Variants in SOX6 observed in about 807,000 individuals in gnomAD.
SOX6 encodes the protein transcription factor SOX-6.
A neutral mutation model predicts 97.8 loss-of-function variants in SOX6; 11 were observed. The ratio of observed to expected loss-of-function variants is 0.11; its 90% CI spans 0.07 to 0.19. The LOEUF is 0.19. SOX6 is among the 10% of genes least tolerant of loss of function. The pLI is 1.00. For synonymous variants in SOX6, 360 were observed against 371.4 expected (o/e 0.97, Z 0.35); for missense variants, 810 against 1,039.5 (o/e 0.78, Z 3.04).
Position 16,484,552 on chromosome 11 carries a change from G to A in SOX6, n.610-8164C>T, listed in dbSNP as rs1209212684. On this transcript the variant is annotated intron_variant and non_coding_transcript_variant, in intron 4 of 5. Transcript: ENST00000524520. ...ACACATGGGCACAGTCGAGATGGCAGTACCTGACATCAATGGCCACCTTCA... is the reference window on the plus strand; with the variant it reads ...ACACATGGGCACAGTCGAGATGGCAATACCTGACATCAATGGCCACCTTCA... 5.2e-6 allele frequency: 4 copies of A among 769,598 alleles called. No individual in the cohort carries two copies. In the African/African-American group the frequency reaches 6.8e-5, roughly 13 times the overall value. 47.7% of individuals were successfully genotyped at this position (769,598 alleles called of 1,614,324 possible).
chr11:16,569,630 A>C (rs1847915106), intron 4 of SOX6, among the ~76,000 whole-genome samples: 1 of 152,068 alleles, frequency 6.6e-6, no homozygotes, highest in South Asian at 2.1e-4. Flanking sequence ...TGCATAAATG[A>C]GACTATTAAA....
intron 7 of SOX6, among the ~76,000 whole-genome samples, chr11:16,098,788 G>T (rs1005854247): frequency 1.3e-5 from 2 of 151,806 alleles, no homozygotes; most frequent in Admixed American, 6.6e-5. Flanking sequence ...AAAGCTGAAT[G>T]TAATAATGAA....
intron 1 of SOX6, among the ~76,000 whole-genome samples, chr11:16,458,839 T>C (rs1859863255): frequency 6.6e-6 from 1 of 151,972 alleles, no homozygotes; most frequent in East Asian, 1.9e-4. Context: ...GCTTACTGCA[T>C]AGAGAGAGAA....
intron 15 of SOX6, among the ~76,000 whole-genome samples, chr11:15,983,724 G>A (rs1303216378): frequency 6.6e-6 from 1 of 152,108 alleles, no homozygotes; most frequent in African/African-American, 2.4e-5. Context: ...AAAATGCTCA[G>A]CATTGAGATG....
At chr11:16,537,140 A>T (rs888826496) in intron 4 of SOX6, among the ~76,000 whole-genome samples, 7 of 152,174 alleles carry the variant, frequency 4.6e-5, no homozygotes, top group African/African-American at 1.7e-4. Flanking sequence ...CCGTTCTGCA[A>T]TATTTGCTGT....
chr11:16,271,485 T>G (rs981774212), intron 3 of SOX6, among the ~76,000 whole-genome samples: 1 of 151,454 alleles, frequency 6.6e-6, no homozygotes, highest in Non-Finnish European at 1.5e-5. Flanking sequence ...TGTAAAACTT[T>G]CTGGGCCTAG....
chr11:16,380,613 T>C (rs1013515325), intron 1 of SOX6, among the ~76,000 whole-genome samples: 3 of 152,020 alleles, frequency 2.0e-5, no homozygotes, highest in African/African-American at 7.2e-5. Flanking sequence ...AGTATGATAG[T>C]TTTTCTAAAA....
chr11:16,720,145 G>A (rs1320993052), intron 2 of SOX6, among the ~76,000 whole-genome samples: 5 of 151,954 alleles, frequency 3.3e-5, no homozygotes, highest in Non-Finnish European at 5.9e-5. Context: ...CGATTCCTCA[G>A]GGATCTAGAA....
intron 3 of SOX6, among the ~76,000 whole-genome samples, chr11:16,704,758 G>C (rs1848119265): frequency 6.6e-6 from 1 of 152,124 alleles, no homozygotes; most frequent in Admixed American, 6.5e-5. Context: ...ATAAAACATA[G>C]TTCAGTAACC....
chr11:16,042,389 A>C (rs1447873768), intron 12 of SOX6, among the ~76,000 whole-genome samples: 2 of 152,212 alleles, frequency 1.3e-5, no homozygotes, highest in Non-Finnish European at 2.9e-5. Flanking sequence ...ACCCAGGTAG[A>C]AGGTGACAAG....
intron 6 of SOX6, among the ~76,000 whole-genome samples, chr11:16,142,022 G>C (rs1460328328): frequency 6.6e-6 from 1 of 152,112 alleles, no homozygotes; most frequent in Non-Finnish European, 1.5e-5. Flanking sequence ...TCCCAGCATG[G>C]AGTTTGAGAT....
At chr11:16,395,450 A>G (rs1003447681) in intron 1 of SOX6, among the ~76,000 whole-genome samples, 12 of 151,786 alleles carry the variant, frequency 7.9e-5, no homozygotes, top group Admixed American at 6.6e-5. Flanking sequence ...GGTGCATTCC[A>G]GGTGAGAACA....
chr11:16,348,313 T>C (rs1044404260), intron 1 of SOX6, among the ~76,000 whole-genome samples: 3 of 152,152 alleles, frequency 2.0e-5, no homozygotes, highest in African/African-American at 2.4e-5. Flanking sequence ...AATTACTTGT[T>C]TCTCCAATTG....
intron 4 of SOX6, among the ~76,000 whole-genome samples, chr11:16,608,936 GATGACAT>G (rs1417055631): frequency 2.0e-5 from 3 of 152,130 alleles, no homozygotes; most frequent in African/African-American, 7.2e-5. Context: ...AGTCACCCAG[GATGACAT>G]ATAAAAATGC....
In SOX6 at chr11:15,972,937, C is replaced by T. The variant is rs758276488; in HGVS notation, c.2359G>A (p.Gly787Arg). The T allele has an allele frequency of 9.3e-6, 15 of 1,614,098 alleles. No homozygotes were observed. Among genetic ancestry groups the T allele is most frequent in the African/African-American group, 1.3e-5 (1 of 74,928 alleles). ...ATCATTTCATTTCCAGCTAGGCTTC[C>T]GCCATCTGTCTTCATACCATAAGTG... ...QSTYGMKTDGGSLAGNEMING... is the reference protein window; with the variant it reads ...QSTYGMKTDGRSLAGNEMING... Residue 787 changes from glycine to arginine, a missense_variant, in exon 16 of 16, where the codon GGA becomes AGA. By Grantham distance (125) the Gly-to-Arg change is moderately radical (BLOSUM62 -2). This residue lies in a region of SOX6 where 122 missense variants were observed against 153.4 expected (regional missense o/e 0.80). Coordinates refer to ENST00000683767, the MANE Select transcript of SOX6 (RefSeq NM_001367873.1).
chr11:16,402,819 C>A (rs1174170287), intron 1 of SOX6: 2 of 1,560,774 alleles, frequency 1.3e-6, no homozygotes, highest in Non-Finnish European at 8.7e-7. Flanking sequence ...CCTTGAAGCT[C>A]ACCATGACCT....
intron 9 of SOX6, among the ~76,000 whole-genome samples, chr11:16,064,231 T>G (rs931612125): frequency 3.3e-5 from 5 of 151,578 alleles, no homozygotes; most frequent in Admixed American, 3.3e-4. Context: ...CTATGCAAAG[T>G]ATAAGTAGAC....
At chr11:16,077,344 G>C (rs182188699) in intron 9 of SOX6, among the ~76,000 whole-genome samples, 1 of 152,240 alleles carries the variant, frequency 6.6e-6, no homozygotes, top group Admixed American at 6.5e-5. Flanking sequence ...TACTGGTGTG[G>C]TTATATACTG....
rs528834360 is a variant in SOX6, at chr11:16,191,207, C to A, written c.536-4252G>T. Among the ~76,000 whole-genome samples the A allele has an allele frequency of 9.8e-5, 15 of 152,288 alleles. No individual in the cohort carries two copies. The South Asian group carries it at 3.1e-3, about 32-fold the overall frequency. On this transcript the variant is annotated intron_variant, in intron 4 of 15. Coordinates refer to ENST00000683767, the MANE Select transcript of SOX6 (RefSeq NM_001367873.1). Reference sequence around the variant, plus strand: ...CAGAGGCTCATGCCTGTAATCCCAACACTTTGAGAGGCCGAGGTGGGGGGA... The same window carrying A: ...CAGAGGCTCATGCCTGTAATCCCAAAACTTTGAGAGGCCGAGGTGGGGGGA...
Sources: gnomAD v4.1 joint callset for allele counts (sites outside exome capture counted in the v4.1 genomes callset) on GRCh38, gnomAD v4.1.1 for gene constraint, gnomAD v4.1.1 regional missense constraint, MANE v1.5 for transcripts, NCBI Gene and HGNC (gene_info 2026-07-23, HGNC 2026-07-21) for gene names.